Variants in RBMS3 observed in about 807,000 individuals in gnomAD.
RBMS3 encodes the protein RNA binding motif single stranded interacting protein 3.
In RBMS3, 27 loss-of-function variants were observed where a neutral mutation model predicts 66.8. The observed-to-expected ratio is 0.40, with a 90% CI of 0.30 to 0.56. RBMS3 has a LOEUF of 0.56. RBMS3 is among the 20% of genes least tolerant of loss of function. The probability of loss-of-function intolerance (pLI) is 0.40; values close to 1 mark genes in which losing one functional copy is unlikely to be tolerated. For synonymous variants in RBMS3, 188 were observed against 183.0 expected, an observed-to-expected ratio of 1.03 and a Z score of -0.22; for missense variants, 513 against 549.5, an observed-to-expected ratio of 0.93 and a Z score of 0.66.
chr3:29,366,002 C>T (rs4603919), intron 1 of RBMS3, among the ~76,000 whole-genome samples: 97,540 of 151,922 alleles, frequency 0.64, 31,685 homozygotes, highest in Non-Finnish European at 0.69. Flanking sequence ...ATTATTTTGA[C>T]TGAAGGAAAA....
chr3:29,884,265 C>G, intron 8 of RBMS3, 57 bp downstream of exon 8: 2 of 1,464,036 alleles, frequency 1.4e-6, no homozygotes, highest in Non-Finnish European at 1.9e-6. Flanking sequence ...AGCTCTGAAT[C>G]AACATCAAAG....
chr3:29,574,450 G>T (rs1267783521), intron 3 of RBMS3, among the ~76,000 whole-genome samples: 1 of 151,910 alleles, frequency 6.6e-6, no homozygotes, highest in Admixed American at 6.6e-5. Flanking sequence ...CAGTCTGTGG[G>T]TCTTTATACG....
At chr3:29,587,682 C>G (rs1456445891) in intron 4 of RBMS3, among the ~76,000 whole-genome samples, 4 of 151,834 alleles carry the variant, frequency 2.6e-5, no homozygotes, top group African/African-American at 9.7e-5. Context: ...CTGGGGAGAG[C>G]TGATTGTTGA....
At chr3:29,465,661 A>G (rs2042519825) in intron 2 of RBMS3, among the ~76,000 whole-genome samples, 1 of 151,828 alleles carries the variant, frequency 6.6e-6, no homozygotes, top group African/African-American at 2.4e-5. Context: ...CAGTTGCAAT[A>G]CTTTATGTAA....
chr3:29,531,338 T>C (rs1283632212), intron 3 of RBMS3, among the ~76,000 whole-genome samples: 2 of 152,232 alleles, frequency 1.3e-5, no homozygotes, highest in Non-Finnish European at 2.9e-5. Flanking sequence ...AGGACCGTTG[T>C]AGTCAAATGC....
At chr3:29,349,138 A>G (rs973929281) in intron 1 of RBMS3, among the ~76,000 whole-genome samples, 1 of 152,152 alleles carries the variant, frequency 6.6e-6, no homozygotes, top group Non-Finnish European at 1.5e-5. Context: ...GATGTTTGAA[A>G]GCACATCTGT....
intron 1 of RBMS3, among the ~76,000 whole-genome samples, chr3:29,341,325 ACTT>A (rs1345499372): frequency 2.6e-5 from 4 of 152,194 alleles, no homozygotes; most frequent in Non-Finnish European, 5.9e-5. Context: ...CTTTATCACT[ACTT>A]TGTCAGAAAA....
chr3:29,515,978 C>T (rs540383584), intron 3 of RBMS3, among the ~76,000 whole-genome samples: 6 of 152,228 alleles, frequency 3.9e-5, no homozygotes, highest in Admixed American at 1.3e-4. Flanking sequence ...AAGAGAATTC[C>T]GTCAAAATTG....
At chr3:29,515,493 C>CTGGCAAAGAATTTGGAA (rs1401794390) in intron 3 of RBMS3, among the ~76,000 whole-genome samples, 1 of 152,166 alleles carries the variant, frequency 6.6e-6, no homozygotes, top group Non-Finnish European at 1.5e-5. Flanking sequence ...AAAGTCGATT[C>CTGGCAAAGAATTTGGAA]TGGCAAAGAA....
At chr3:29,298,219 C>T (rs566294074) in intron 1 of RBMS3, among the ~76,000 whole-genome samples, 13 of 151,840 alleles carry the variant, frequency 8.6e-5, no homozygotes, top group Non-Finnish European at 1.9e-4. Flanking sequence ...TGTTCCACAT[C>T]CTGTACTCGA....
chr3:29,453,631 G>A (rs574848684), intron 2 of RBMS3, among the ~76,000 whole-genome samples: 10 of 152,150 alleles, frequency 6.6e-5, no homozygotes, highest in African/African-American at 9.7e-5. Context: ...TCCTGCATGC[G>A]TCCTGAGCTG....
At chr3:29,977,393 G>T (rs893842386) in intron 12 of RBMS3, among the ~76,000 whole-genome samples, 1 of 152,132 alleles carries the variant, frequency 6.6e-6, no homozygotes, top group East Asian at 1.9e-4. Flanking sequence ...GGAAAAGAGT[G>T]TAAATCTAGA....
chr3:29,791,222 C>A (rs2057001833), intron 6 of RBMS3, among the ~76,000 whole-genome samples: 1 of 152,184 alleles, frequency 6.6e-6, no homozygotes. Context: ...TATGTAAATA[C>A]TGCCTTGTAG....
intron 3 of RBMS3, among the ~76,000 whole-genome samples, chr3:29,489,975 A>C (rs1322553497): frequency 1.4e-5 from 2 of 146,392 alleles, no homozygotes; most frequent in Non-Finnish European, 3.0e-5. Flanking sequence ...CCCAGGAGGC[A>C]GAGGTTGCAG....
chr3:29,401,883 T>C (rs537883248), intron 1 of RBMS3, among the ~76,000 whole-genome samples: 1 of 152,180 alleles, frequency 6.6e-6, no homozygotes, highest in African/African-American at 2.4e-5. Context: ...TGATGATTAA[T>C]TTTTTAAAAC....
At chr3:29,992,056 TAA>T (rs368094658) in intron 14 of RBMS3, among the ~76,000 whole-genome samples, 246 of 152,282 alleles carry the variant, frequency 1.6e-3, no homozygotes, top group African/African-American at 5.2e-3. Flanking sequence ...TTTAGAAAAG[TAA>T]AGTCTTCATA....
rs2059268130 is a variant in RBMS3, at chr3:29,863,477, A to C, written c.638-5381A>C. 2.0e-5 allele frequency among the ~76,000 whole-genome samples: 3 copies of C among 152,166 alleles called. 1 individual carries two copies. The South Asian group carries it at 6.2e-4, about 31-fold the overall frequency. Reference sequence around the variant, plus strand: ...TTATAATCATCTTAAAATTAACAGTATATAATCATCTTAAAATTAATAGAA... The same window carrying C: ...TTATAATCATCTTAAAATTAACAGTCTATAATCATCTTAAAATTAATAGAA... On this transcript the variant is annotated intron_variant, in intron 6 of 14. Coordinates refer to ENST00000383767, the MANE Select transcript of RBMS3 (RefSeq NM_001003793.3).
intron 12 of RBMS3, among the ~76,000 whole-genome samples, chr3:29,959,659 A>G (rs1281517257): frequency 6.6e-6 from 1 of 152,172 alleles, no homozygotes; most frequent in Non-Finnish European, 1.5e-5. Flanking sequence ...TGTAAAGGAA[A>G]GAGGTTTAAT....
intron 2 of RBMS3, among the ~76,000 whole-genome samples, chr3:29,458,372 A>G (rs943244000): frequency 6.6e-6 from 1 of 152,170 alleles, no homozygotes. Context: ...TATTCTTTAA[A>G]TTAGATAGTA....
Sources: allele counts gnomAD v4.1 joint callset (sites outside exome capture counted in the v4.1 genomes callset), GRCh38; gene constraint gnomAD v4.1.1; transcripts MANE v1.5; gene names NCBI Gene and HGNC (gene_info 2026-07-23, HGNC 2026-07-21).